Variants in WDR19 observed in about 807,000 individuals in gnomAD.
WDR19 encodes the protein WD repeat domain 19, also known as WD repeat-containing protein 19.
In WDR19, 121 loss-of-function variants were observed where a neutral mutation model predicts 180.0. That is an observed-to-expected ratio of 0.67 (90% CI 0.58 to 0.78). The LOEUF (loss-of-function observed/expected upper bound fraction) is 0.78. WDR19 is among the 30% of genes least tolerant of loss of function. The probability of loss-of-function intolerance (pLI) is 0.00; values close to 1 mark genes in which losing one functional copy is unlikely to be tolerated. For missense variants in WDR19, 1,450 were observed against 1,640.7 expected, an observed-to-expected ratio of 0.88 and a Z score of 2.01; for synonymous variants, 497 against 540.7, an observed-to-expected ratio of 0.92 and a Z score of 1.12.
Position 39,205,504 on chromosome 4 carries a change from C to T in WDR19, c.717-59C>T, listed in dbSNP as rs570168273. 24 of 1,533,938 alleles carry T rather than the reference C, an allele frequency of 1.6e-5. No individual in the cohort carries two copies. In the African/African-American group the frequency reaches 2.9e-4, roughly 19 times the overall value. On this transcript the variant is annotated intron_variant, in intron 8 of 36. Transcript: ENST00000399820. Reference sequence around the variant, plus strand: ...AATTTTAAGGTACTTGCTAATTTACCATGTTGCCACTGATAGCTAATCTCC... The same window carrying T: ...AATTTTAAGGTACTTGCTAATTTACTATGTTGCCACTGATAGCTAATCTCC...
chr4:39,226,904 C>A (rs1730324506), intron 15 of WDR19, among the ~76,000 whole-genome samples: 1 of 152,166 alleles, frequency 6.6e-6, no homozygotes, highest in South Asian at 2.1e-4. Context: ...AATGGTCGAA[C>A]AAATTTACAT....
intron 27 of WDR19, among the ~76,000 whole-genome samples, chr4:39,256,649 CTTG>C (rs1465737188): frequency 1.3e-5 from 2 of 152,206 alleles, no homozygotes; most frequent in East Asian, 1.9e-4. Flanking sequence ...CCACCACCAA[CTTG>C]TTGTTGCTGG....
chr4:39,215,119 C>T (rs752725239), intron 10 of WDR19, among the ~76,000 whole-genome samples: 10 of 152,022 alleles, frequency 6.6e-5, no homozygotes, highest in Non-Finnish European at 1.5e-4. Context: ...AAAATAGTCT[C>T]CTTATTTTAG....
chr4:39,228,852 A>G (rs868709978), intron 17 of WDR19, among the ~76,000 whole-genome samples, 162 bp downstream of exon 17: 1 of 151,136 alleles, frequency 6.6e-6, no homozygotes, highest in South Asian at 2.1e-4. Context: ...GTTGTGCTAC[A>G]TGGATATAGT....
chr4:39,279,262 A>G (rs1298106834), intron 36 of WDR19, among the ~76,000 whole-genome samples: 2 of 152,188 alleles, frequency 1.3e-5, no homozygotes, highest in Non-Finnish European at 2.9e-5. Flanking sequence ...AGCATCTCAC[A>G]CTTAGCCTGG....
chr4:39,234,837 T>C lies in WDR19; in HGVS notation c.2325T>C (p.Pro775=). The part of the protein sequence containing the change: ...LAKHLAPDQI[P]FISKEYAIQL... Reference sequence around the variant, plus strand: ...AGCATTTGGCCCCAGACCAGATACCTTTTATATCAAAAGAATATGCTATTC... The same window carrying C: ...AGCATTTGGCCCCAGACCAGATACCCTTTATATCAAAAGAATATGCTATTC... Residue 775 remains proline, a synonymous_variant, in exon 20 of 37, where the codon CCT becomes CCC. Transcript: ENST00000399820. 6.3e-7 allele frequency: 1 copy of C among 1,575,168 alleles called. No individual in the cohort carries two copies. The highest frequency in any genetic ancestry group is 8.6e-7 in the Non-Finnish European group (1 of 1,159,042).
chr4:39,254,994 G>A (rs1733608121), intron 26 of WDR19, among the ~76,000 whole-genome samples: 1 of 152,010 alleles, frequency 6.6e-6, no homozygotes, highest in African/African-American at 2.4e-5. Context: ...AAATTAATTA[G>A]GTAAAAGCTT....
chr4:39,281,236 T>TATATATATATAG (rs762298152), intron 36 of WDR19, among the ~76,000 whole-genome samples: 22 of 104,032 alleles, frequency 2.1e-4, no homozygotes, highest in African/African-American at 1.0e-3. Context: ...TATATATATA[T>TATATATATATAG]AGAGAGAGAG....
At chr4:39,244,189 C>G in intron 21 of WDR19, 59 bp from the exon 22 acceptor site, 1 of 1,582,132 alleles carries the variant, frequency 6.3e-7, no homozygotes, top group Non-Finnish European at 8.6e-7. Flanking sequence ...ATTGTTCTGT[C>G]TTAAACACAT....
Position 39,244,567 on chromosome 4 carries a change from C to T in WDR19, c.2645+15C>T, listed in dbSNP as rs150628352. 20 of 1,613,806 alleles carry T rather than the reference C, an allele frequency of 1.2e-5. No individual in the cohort carries two copies. Among genetic ancestry groups the T allele is most frequent in the African/African-American group, 9.3e-5 (7 of 75,056 alleles). On this transcript the variant is annotated intron_variant, in intron 23 of 36. Transcript: ENST00000399820. ...TCTAAGAATTGGTAAGAGCTGCCTG[C>T]GGTTTGTTTCTGAACAGGATTGGAA...
intron 24 of WDR19, among the ~76,000 whole-genome samples, chr4:39,249,735 G>A (rs1177007319): frequency 2.0e-5 from 3 of 152,122 alleles, no homozygotes; most frequent in Admixed American, 6.6e-5. Flanking sequence ...AAATAAACTA[G>A]AAAATCTAGA....
At chr4:39,232,542 T>G (rs1730988170) in intron 19 of WDR19, among the ~76,000 whole-genome samples, 1 of 152,044 alleles carries the variant, frequency 6.6e-6, no homozygotes, top group South Asian at 2.1e-4. Context: ...GGAGAACTGC[T>G]TGAACCTGGG....
intron 15 of WDR19, among the ~76,000 whole-genome samples, chr4:39,226,866 C>T (rs1730317724): frequency 2.0e-5 from 3 of 152,118 alleles, no homozygotes; most frequent in Middle Eastern, 3.4e-3. Context: ...TAATTTAACC[C>T]TTGAGGAATC....
chr4:39,191,734 A>G (rs1464529867), intron 4 of WDR19, among the ~76,000 whole-genome samples: 3 of 152,180 alleles, frequency 2.0e-5, no homozygotes, highest in African/African-American at 7.2e-5. Flanking sequence ...CTCCCAAGGC[A>G]ATTTGGACCT....
intron 32 of WDR19, chr4:39,274,361 T>C (rs1578051704): frequency 6.3e-6 from 1 of 159,494 alleles, no homozygotes; most frequent in East Asian, 1.8e-4. Context: ...GTTTGGCAAT[T>C]TGTGGTAAGA....
At chr4:39,259,256 C>T (rs1018427622) in intron 28 of WDR19, among the ~76,000 whole-genome samples, 1 of 152,078 alleles carries the variant, frequency 6.6e-6, no homozygotes, top group Non-Finnish European at 1.5e-5. Flanking sequence ...ATCCTGTTGA[C>T]CTAGCACCAT....
At position 39,199,458 on chromosome 4, in the gene WDR19, A is replaced by T. The variant is rs1287525287; in HGVS notation, c.407-20A>T. On this transcript the variant is annotated intron_variant, in intron 5 of 36. Coordinates refer to ENST00000399820, the MANE Select transcript of WDR19 (RefSeq NM_025132.4). Reference sequence around the variant, plus strand: ...CTTTGAGAAATCCACATGTCTGTATAAAAATAATCTCTTTTTCAGGAAAAC... The same window carrying T: ...CTTTGAGAAATCCACATGTCTGTATTAAAATAATCTCTTTTTCAGGAAAAC... The T allele has an allele frequency of 6.3e-7, 1 of 1,594,540 alleles. No homozygotes were observed. The highest frequency in any genetic ancestry group is 1.3e-5 in the African/African-American group (1 of 74,406).
Position 39,268,009 on chromosome 4 carries a change from G to C in WDR19, c.3276G>C (p.Leu1092=). The C allele has an allele frequency of 6.2e-7, 1 of 1,603,938 alleles. No individual in the cohort carries two copies. Among genetic ancestry groups the C allele is most frequent in the Non-Finnish European group, 8.5e-7 (1 of 1,175,074 alleles). Residue 1092 remains leucine, a synonymous_variant, in exon 30 of 37, where the codon CTG becomes CTC. Transcript: ENST00000399820. The part of the protein sequence containing the change: ...NDGMPKDAKY[L]FRLYMALKQY... ...TTATGTGTCAGGATGCCAAGTACCT[G>C]TTCCGCTTGTACATGGCTCTGAAGC... is the stretch of plus-strand genomic sequence containing the variant.
chr4:39,245,313 G>T (rs1732406424), intron 23 of WDR19, 56 bp from the exon 24 acceptor site: 1 of 1,371,334 alleles, frequency 7.3e-7, no homozygotes, highest in Non-Finnish European at 1.0e-6. Flanking sequence ...GTTATAGCAG[G>T]CTACTTTTGG....
Sources: allele counts gnomAD v4.1 joint callset (sites outside exome capture counted in the v4.1 genomes callset), GRCh38; gene constraint gnomAD v4.1.1; transcripts MANE v1.5; gene names NCBI Gene and HGNC (gene_info 2026-07-23, HGNC 2026-07-21).